SIL1: variants seen among roughly 807,000 people sequenced by gnomAD.
SIL1 encodes the protein nucleotide exchange factor SIL1.
Under a neutral mutation model 49.1 loss-of-function variants are expected in SIL1, and 40 were observed. That is an observed-to-expected ratio of 0.81 (90% CI 0.63 to 1.06). SIL1 has a LOEUF of 1.06. SIL1 is among the 50% of genes least tolerant of loss of function. SIL1 has a pLI of 0.00. For missense variants in SIL1, 500 were observed against 572.6 expected, an observed-to-expected ratio of 0.87 and a Z score of 1.29; for synonymous variants, 253 against 250.8, an observed-to-expected ratio of 1.01 and a Z score of -0.08.
intron 1 of SIL1, among the ~76,000 whole-genome samples, chr5:139,185,303 A>C (rs969138970): frequency 1.3e-5 from 2 of 152,222 alleles, no homozygotes; most frequent in Non-Finnish European, 2.9e-5. Flanking sequence ...GGCTCTGGCC[A>C]CCCAAGACCC....
intron 3 of SIL1, among the ~76,000 whole-genome samples, chr5:139,055,845 A>AT (rs1254161966): frequency 1.3e-5 from 2 of 150,776 alleles, no homozygotes; most frequent in African/African-American, 4.9e-5. Context: ...TGGTTTTCGT[A>AT]TTTTTTTGGT....
intron 3 of SIL1, among the ~76,000 whole-genome samples, chr5:139,094,918 C>G (rs976814044): frequency 6.6e-6 from 1 of 152,158 alleles, no homozygotes; most frequent in Non-Finnish European, 1.5e-5. Context: ...GAGTACTGGT[C>G]AGGTATTTTA....
At chr5:139,123,089 G>A (rs1455389147) in intron 2 of SIL1, among the ~76,000 whole-genome samples, 1 of 152,206 alleles carries the variant, frequency 6.6e-6, no homozygotes, top group East Asian at 1.9e-4. Flanking sequence ...TATGAAGGCA[G>A]TCATAGATTC....
At chr5:139,182,420 C>T (rs569053818) in intron 1 of SIL1, among the ~76,000 whole-genome samples, 2 of 152,290 alleles carry the variant, frequency 1.3e-5, no homozygotes, top group Admixed American at 1.3e-4. Flanking sequence ...GGTCCTGGCA[C>T]ACAATGGGTA....
chr5:139,050,826 T>C (rs930345035), intron 4 of SIL1, 112 bp downstream of exon 4: 2 of 864,652 alleles, frequency 2.3e-6, no homozygotes, highest in Non-Finnish European at 3.9e-6. Flanking sequence ...AATTCTATGC[T>C]ATTAAATTTC....
intron 3 of SIL1, among the ~76,000 whole-genome samples, chr5:139,079,268 ACTGAGTAC>A (rs918851959): frequency 9.2e-5 from 14 of 152,180 alleles, no homozygotes; most frequent in African/African-American, 3.4e-4. Flanking sequence ...GGTTTACCAC[ACTGAGTAC>A]CTCCTGCCAG....
chr5:139,098,973 G>C (rs1770529250), intron 3 of SIL1, among the ~76,000 whole-genome samples: 1 of 151,414 alleles, frequency 6.6e-6, no homozygotes, highest in African/African-American at 2.4e-5. Context: ...CCCACCACCA[G>C]GCCTGGCTAA....
At chr5:139,137,106 C>A (rs1260813854) in intron 1 of SIL1, among the ~76,000 whole-genome samples, 2 of 152,240 alleles carry the variant, frequency 1.3e-5, no homozygotes, top group Non-Finnish European at 2.9e-5. Flanking sequence ...CAGAGAAATA[C>A]CCTAGTGCCA....
intron 7 of SIL1, among the ~76,000 whole-genome samples, chr5:138,979,948 C>T (rs938181733): frequency 2.6e-5 from 4 of 152,186 alleles, no homozygotes; most frequent in Admixed American, 6.5e-5. Context: ...TTCAGCCACC[C>T]GGGTGAGCAA....
In SIL1 at chr5:138,966,287, C is replaced by T. The variant is rs1035936915; in HGVS notation, c.768-14403G>A. Among the ~76,000 whole-genome samples, 9 of 152,126 alleles carry T rather than the reference C, an allele frequency of 5.9e-5. 1 individual carries two copies. The highest frequency in any genetic ancestry group is 2.9e-5 in the Non-Finnish European group (2 of 68,022). ...AGTTTAGCTTCCCTCCAAACTAATC[C>T]TCCAAGGGCCACCACCCAGGGCTGG... On this transcript the variant is annotated intron_variant, in intron 7 of 9. Coordinates refer to ENST00000394817, the MANE Select transcript of SIL1 (RefSeq NM_022464.5).
At chr5:139,150,415 A>ATCCCCTC (rs2151805390) in intron 1 of SIL1, among the ~76,000 whole-genome samples, 1 of 151,834 alleles carries the variant, frequency 6.6e-6, no homozygotes, top group South Asian at 2.1e-4. Context: ...TCTATCCCCT[A>ATCCCCTC]CTCAGCCATC....
chr5:139,148,444 G>A (rs1189116162), intron 1 of SIL1, among the ~76,000 whole-genome samples: 1 of 152,200 alleles, frequency 6.6e-6, no homozygotes, highest in Non-Finnish European at 1.5e-5. Flanking sequence ...TGCCACAGTA[G>A]GCTCCATGGG....
chr5:139,182,988 T>A (rs1752018109), intron 1 of SIL1, among the ~76,000 whole-genome samples: 1 of 152,222 alleles, frequency 6.6e-6, no homozygotes, highest in South Asian at 2.1e-4. Flanking sequence ...TTAGTCGTCA[T>A]GTTTATTGGA....
chr5:139,024,041 G>A (rs1304135288), intron 6 of SIL1, among the ~76,000 whole-genome samples: 1 of 152,224 alleles, frequency 6.6e-6, no homozygotes, highest in African/African-American at 2.4e-5. Context: ...GCCTACAAGG[G>A]AAAACAAAGA....
chr5:139,153,366 A>G (rs1751346203), intron 1 of SIL1, among the ~76,000 whole-genome samples: 1 of 152,168 alleles, frequency 6.6e-6, no homozygotes. Context: ...TAGCATTATT[A>G]TACTTTCTTA....
chr5:139,059,928 T>G (rs139714883), intron 3 of SIL1, among the ~76,000 whole-genome samples: 1,894 of 152,316 alleles, frequency 0.012, 35 homozygotes, highest in African/African-American at 0.042. Context: ...TAAACTAGTT[T>G]CAAAACTGTT....
At chr5:139,052,457 G>A (rs976983826) in intron 3 of SIL1, among the ~76,000 whole-genome samples, 21 of 152,198 alleles carry the variant, frequency 1.4e-4, no homozygotes, top group South Asian at 4.1e-4. Flanking sequence ...GGCCAAGGCA[G>A]GTGGATCACC....
intron 2 of SIL1, 47 bp from the exon 3 acceptor site, chr5:139,121,220 G>A: frequency 6.2e-7 from 1 of 1,613,178 alleles, no homozygotes; most frequent in Non-Finnish European, 8.5e-7. Context: ...CTAGGCGCCA[G>A]GTAAGCAGAA....
chr5:139,084,538 A>G (rs1242584572), intron 3 of SIL1, among the ~76,000 whole-genome samples: 10 of 112,462 alleles, frequency 8.9e-5, no homozygotes, highest in Non-Finnish European at 1.5e-4. Flanking sequence ...GCAAGAACAA[A>G]AAACCAAACA....
Sources: allele counts gnomAD v4.1 joint callset (sites outside exome capture counted in the v4.1 genomes callset), GRCh38; gene constraint gnomAD v4.1.1; transcripts MANE v1.5; gene names NCBI Gene and HGNC (gene_info 2026-07-23, HGNC 2026-07-21).